EPHB1: variants seen among roughly 807,000 people sequenced by gnomAD.
EPHB1 encodes the protein EPH receptor B1.
In EPHB1, 30 loss-of-function variants were observed where a neutral mutation model predicts 94.4. The observed-to-expected ratio is 0.32, with a 90% CI of 0.24 to 0.43. The LOEUF is 0.43. Ranked by LOEUF, EPHB1 falls within the 20% of genes least tolerant of loss-of-function variation. EPHB1 has a pLI of 1.00. For missense variants in EPHB1, 1,055 were observed against 1,308.3 expected, an observed-to-expected ratio of 0.81 and a Z score of 2.99; for synonymous variants, 522 against 489.1, an observed-to-expected ratio of 1.07 and a Z score of -0.89.
intron 7 of EPHB1, among the ~76,000 whole-genome samples, chr3:135,164,246 A>G (rs947123711): frequency 1.3e-5 from 2 of 152,216 alleles, no homozygotes; most frequent in African/African-American, 4.8e-5. Flanking sequence ...AGTCTTTAAA[A>G]TTGACTTCCG....
chr3:134,795,712 A>G, intron 1 of EPHB1, 23 bp downstream of exon 1: 1 of 1,608,082 alleles, frequency 6.2e-7, no homozygotes, highest in Non-Finnish European at 8.5e-7. Flanking sequence ...CCACGGAGCA[A>G]GTTGGCTGCT....
At position 135,132,960 on chromosome 3, in the gene EPHB1, C is replaced by T. The variant is rs200876961; in HGVS notation, c.1208C>T (p.Thr403Ile). 7.6e-5 allele frequency: 123 copies of T among 1,613,976 alleles called. No individual in the cohort carries two copies. In the African/African-American group the frequency reaches 1.5e-3, roughly 20 times the overall value. The change falls in exon 5 of 16, where the codon ACC becomes ATC. Residue 403 changes from threonine to isoleucine, a missense_variant. Transcript: ENST00000398015. ...AGCCTGTGGGCCCACACCCCCTACA[C>T]CTTTGACATCCAGGCCATCAATGGA... ...ISSLWAHTPYTFDIQAINGVS... is the reference protein window; with the variant it reads ...ISSLWAHTPYIFDIQAINGVS...
At chr3:135,055,627 T>C (rs1226989063) in intron 3 of EPHB1, among the ~76,000 whole-genome samples, 1 of 152,212 alleles carries the variant, frequency 6.6e-6, no homozygotes, top group African/African-American at 2.4e-5. Flanking sequence ...CCCATACAGA[T>C]CACCAAGTTG....
chr3:135,221,597 G>A (rs1168780762), intron 12 of EPHB1, among the ~76,000 whole-genome samples: 3 of 152,114 alleles, frequency 2.0e-5, no homozygotes, highest in African/African-American at 2.4e-5. Context: ...CTGAATGGTG[G>A]CCCCCTCAGC....
chr3:134,990,136 C>T (rs185498242), intron 3 of EPHB1, among the ~76,000 whole-genome samples: 66 of 152,184 alleles, frequency 4.3e-4, no homozygotes, highest in Non-Finnish European at 7.6e-4. Flanking sequence ...AAAACTTTCC[C>T]CTCTAGAAGG....
intron 3 of EPHB1, among the ~76,000 whole-genome samples, chr3:135,080,144 C>A (rs1044770998): frequency 1.3e-5 from 2 of 152,174 alleles, no homozygotes; most frequent in African/African-American, 4.8e-5. Flanking sequence ...CTAGCTGTTA[C>A]TTGTAAGATT....
intron 3 of EPHB1, among the ~76,000 whole-genome samples, chr3:134,999,310 A>T (rs1040321055): frequency 6.6e-6 from 1 of 152,216 alleles, no homozygotes; most frequent in Admixed American, 6.5e-5. Flanking sequence ...TCAGCTTCAT[A>T]TCTTAAGGGA....
chr3:134,939,469 C>T (rs1367785951), intron 2 of EPHB1, among the ~76,000 whole-genome samples: 1 of 152,188 alleles, frequency 6.6e-6, no homozygotes, highest in Non-Finnish European at 1.5e-5. Context: ...TCACAGCCCT[C>T]AGGGGAGCCT....
chr3:135,006,545 G>A (rs1935422184), intron 3 of EPHB1, among the ~76,000 whole-genome samples: 1 of 152,198 alleles, frequency 6.6e-6, no homozygotes, highest in Non-Finnish European at 1.5e-5. Flanking sequence ...GCCTAAGAAA[G>A]AGAATGATGC....
rs184768390 is a variant in EPHB1 at position 135,240,434 on chromosome 3, G to A, written c.2347-714G>A. Among the ~76,000 whole-genome samples, 379 of 152,260 alleles carry A rather than the reference G, an allele frequency of 2.5e-3. 1 individual carries two copies. Among genetic ancestry groups the A allele is most frequent in the Non-Finnish European group, 3.9e-3 (263 of 68,032 alleles). On this transcript the variant is annotated intron_variant, in intron 12 of 15. Transcript: ENST00000398015. ...TTTAGAAACTTCCAGTGTGGGATTG[G>A]AGGCAAGAAGGAGAAACAAGCCTAA...
Position 134,838,388 on chromosome 3 carries a change from GGC to G in EPHB1, c.58+42700_58+42701del, listed in dbSNP as rs561296841. On this transcript the variant is annotated intron_variant, in intron 1 of 15. Transcript: ENST00000398015. ...AGAAGCAGAGCCAAGAGGAAACCTT[GGC>G]TTCTTGATTTCCTGTTCTAGCATTT... Among the ~76,000 whole-genome samples the G allele has an allele frequency of 3.9e-4, 59 of 152,236 alleles. 1 individual carries two copies. The South Asian group carries it at 0.011, about 29-fold the overall frequency.
At chr3:135,181,565 G>A (rs1446929630) in intron 10 of EPHB1, among the ~76,000 whole-genome samples, 1 of 152,162 alleles carries the variant, frequency 6.6e-6, no homozygotes, top group Non-Finnish European at 1.5e-5. Flanking sequence ...ATTAATTGTT[G>A]TTATGGCTTG....
At position 135,241,202 on chromosome 3, in the gene EPHB1, T is replaced by C; in HGVS notation, c.2401T>C (p.Phe801Leu). The change falls in exon 13 of 16, where the codon TTC (phenylalanine) becomes CTC (leucine). Residue 801 changes from phenylalanine to leucine, a missense_variant. Phe to Leu is a conservative substitution (Grantham distance 22, BLOSUM62 0). Transcript: ENST00000398015. ...TAPEAIAYRK[F>L]TSASDVWSYG... is the part of the protein sequence containing the mutation. ...TCCAGAGGCCATCGCCTACCGCAAG[T>C]TCACTTCAGCCAGCGACGTTTGGAG... 6.2e-7 allele frequency: 1 copy of C among 1,614,162 alleles called. No individual in the cohort carries two copies. The highest frequency in any genetic ancestry group is 1.6e-4 in the Middle Eastern group (1 of 6,062).
At chr3:135,139,235 C>T (rs1050185494) in intron 5 of EPHB1, among the ~76,000 whole-genome samples, 1 of 152,196 alleles carries the variant, frequency 6.6e-6, no homozygotes, top group African/African-American at 2.4e-5. Context: ...AATCTGGAGT[C>T]TTCCTCCACT....
chr3:134,894,268 C>A (rs1010134521), intron 1 of EPHB1, among the ~76,000 whole-genome samples: 7 of 152,154 alleles, frequency 4.6e-5, no homozygotes, highest in African/African-American at 1.7e-4. Context: ...TTCACCACTT[C>A]GGAGTTCAGC....
intron 12 of EPHB1, among the ~76,000 whole-genome samples, chr3:135,225,418 G>A (rs907555925): frequency 1.3e-5 from 2 of 152,170 alleles, no homozygotes; most frequent in Non-Finnish European, 2.9e-5. Flanking sequence ...ATTCTCTTCT[G>A]AGCCATCTGA....
chr3:135,133,600 T>C (rs73862022), intron 5 of EPHB1, among the ~76,000 whole-genome samples: 6,216 of 152,308 alleles, frequency 0.041, 427 homozygotes, highest in African/African-American at 0.14. Flanking sequence ...TCCAATTAAA[T>C]CTATGTAGTT....
chr3:135,028,724 GT>G, intron 3 of EPHB1, among the ~76,000 whole-genome samples: 1 of 99,374 alleles, frequency 1.0e-5, no homozygotes, highest in Middle Eastern at 4.0e-3. Context: ...GGAGAGTTCT[GT>G]AGATGTCTAT....
intron 1 of EPHB1, among the ~76,000 whole-genome samples, chr3:134,875,258 A>G (rs552811580): frequency 6.6e-6 from 1 of 152,108 alleles, no homozygotes; most frequent in Non-Finnish European, 1.5e-5. Flanking sequence ...ATCTCTTTCT[A>G]TTTGAATCAG....
Sources: gnomAD v4.1 joint callset for allele counts (sites outside exome capture counted in the v4.1 genomes callset) on GRCh38, gnomAD v4.1.1 for gene constraint, MANE v1.5 for transcripts, NCBI Gene and HGNC (gene_info 2026-07-23, HGNC 2026-07-21) for gene names.